PHF24: variants seen among roughly 807,000 people sequenced by gnomAD.
The protein encoded by PHF24 is PHD finger protein 24.
A neutral mutation model predicts 42.6 loss-of-function variants in PHF24; 25 were observed. That is an observed-to-expected ratio of 0.59 (90% CI 0.43 to 0.82). PHF24 has a LOEUF of 0.82. Among genes scored for constraint, PHF24 ranks in the 40% least tolerant of loss-of-function variants. PHF24 has a pLI of 0.00. For missense variants in PHF24, 470 were observed against 538.1 expected (o/e 0.87, Z 1.25); for synonymous variants, 185 against 204.8 (o/e 0.90, Z 0.83).
the PHF24 span, among the ~76,000 whole-genome samples, chr9:34,850,988 T>G: frequency 3.3e-5 from 5 of 152,166 alleles, no homozygotes; most frequent in Non-Finnish European, 7.3e-5. Context: ...CCCGGCCATG[T>G]GAGGTGTCAG....
At chr9:34,976,364 T>C (rs1429551214) in intron 4 of PHF24, 134 bp downstream of exon 4, 21 of 983,584 alleles carry the variant, frequency 2.1e-5, no homozygotes, top group Non-Finnish European at 3.1e-5. Flanking sequence ...TCCTGAGTTG[T>C]TGGCCAGCAG....
At chr9:34,952,170 A>C in the PHF24 span, among the ~76,000 whole-genome samples, 2 of 152,122 alleles carry the variant, frequency 1.3e-5, no homozygotes, top group African/African-American at 2.4e-5. Context: ...AATTGTCTGC[A>C]TGAAAAATAA....
the PHF24 span, chr9:34,895,100 A>G: frequency 2.5e-6 from 1 of 398,598 alleles, no homozygotes; most frequent in Non-Finnish European, 4.4e-6. Context: ...AGACAAAAAC[A>G]TTAGAATGCA....
chr9:34,922,799 C>A, the PHF24 span: 1 of 1,592,470 alleles, frequency 6.3e-7, no homozygotes, highest in Non-Finnish European at 8.5e-7. Flanking sequence ...AGAGAAGATT[C>A]CTCTCCTCAT....
chr9:34,808,470 A>G, the PHF24 span, among the ~76,000 whole-genome samples: 1 of 152,266 alleles, frequency 6.6e-6, no homozygotes, highest in Middle Eastern at 3.4e-3. Context: ...CCCCCGCCAA[A>G]AAAATAGCAA....
chr9:34,931,148 C>T, the PHF24 span, among the ~76,000 whole-genome samples: 13 of 152,076 alleles, frequency 8.5e-5, no homozygotes, highest in East Asian at 2.1e-3. Flanking sequence ...GAGGCTGAGG[C>T]GGTGGATCAC....
chr9:34,773,481 G>A, the PHF24 span, among the ~76,000 whole-genome samples: 1 of 151,706 alleles, frequency 6.6e-6, no homozygotes, highest in African/African-American at 2.4e-5. Flanking sequence ...AACTGCAAGA[G>A]TTCCCAATGA....
chr9:34,665,663 C>T, the PHF24 span: 1 of 701,250 alleles, frequency 1.4e-6, no homozygotes, highest in East Asian at 2.7e-5. Flanking sequence ...CCGACATGTC[C>T]TGGGCTCCGA....
chr9:34,769,786 G>C, the PHF24 span, among the ~76,000 whole-genome samples: 1 of 152,136 alleles, frequency 6.6e-6, no homozygotes, highest in Non-Finnish European at 1.5e-5. Context: ...GAGAGAGGTA[G>C]CATCTCAAAT....
chr9:34,800,453 C>T, the PHF24 span, among the ~76,000 whole-genome samples: 2 of 152,180 alleles, frequency 1.3e-5, no homozygotes, highest in Non-Finnish European at 2.9e-5. Flanking sequence ...CAGCATGGTA[C>T]TGGTACCAAA....
At chr9:34,708,502 C>T in the PHF24 span, among the ~76,000 whole-genome samples, 1 of 152,168 alleles carries the variant, frequency 6.6e-6, no homozygotes, top group Non-Finnish European at 1.5e-5. Context: ...CAGGGGCTCT[C>T]TCAGGGCTGG....
chr9:34,868,790 C>G, the PHF24 span, among the ~76,000 whole-genome samples: 1 of 151,822 alleles, frequency 6.6e-6, no homozygotes, highest in Non-Finnish European at 1.5e-5. Context: ...TTCTGGAGTA[C>G]ATGTGCAGGT....
the PHF24 span, among the ~76,000 whole-genome samples, chr9:34,804,576 T>A: frequency 1.3e-5 from 2 of 152,216 alleles, no homozygotes; most frequent in African/African-American, 4.8e-5. Flanking sequence ...TAAATCCTCA[T>A]TTCATAGATG....
chr9:34,719,633 G>A, the PHF24 span, among the ~76,000 whole-genome samples: 3 of 152,216 alleles, frequency 2.0e-5, no homozygotes, highest in South Asian at 6.2e-4. Context: ...TCAGGCAGGT[G>A]GGAGCCTGTA....
chr9:34,685,106 C>T, the PHF24 span, among the ~76,000 whole-genome samples: 2 of 152,136 alleles, frequency 1.3e-5, no homozygotes, highest in African/African-American at 4.8e-5. Flanking sequence ...ATGCTTTGCT[C>T]TTCAGAGGTC....
At chr9:34,741,735 T>C in the PHF24 span, among the ~76,000 whole-genome samples, 1 of 152,274 alleles carries the variant, frequency 6.6e-6, no homozygotes, top group African/African-American at 2.4e-5. Flanking sequence ...CTGTGTAATG[T>C]ACTACCTTCT....
chr9:34,963,140 C>T (rs1826649713), intron 1 of PHF24, among the ~76,000 whole-genome samples: 1 of 152,046 alleles, frequency 6.6e-6, no homozygotes, highest in Non-Finnish European at 1.5e-5. Flanking sequence ...GAACAGGCTC[C>T]AAGAGCACTG....
At chr9:34,713,751 T>A in the PHF24 span, among the ~76,000 whole-genome samples, 34,818 of 152,092 alleles carry the variant, frequency 0.23, 4,770 homozygotes, top group African/African-American at 0.38. Flanking sequence ...CTATATTTAA[T>A]ACTGGATTGG....
At chr9:34,947,759 T>G in the PHF24 span, among the ~76,000 whole-genome samples, 8 of 152,144 alleles carry the variant, frequency 5.3e-5, no homozygotes, top group Admixed American at 5.2e-4. Flanking sequence ...TGCGTGCGTG[T>G]TCGTGTCTTC....
Sources: allele counts gnomAD v4.1 joint callset (sites outside exome capture counted in the v4.1 genomes callset), GRCh38; gene constraint gnomAD v4.1.1; transcripts MANE v1.5; gene names NCBI Gene and HGNC (gene_info 2026-07-23, HGNC 2026-07-21).